ABCA13: variants seen among roughly 807,000 people sequenced by gnomAD.
ABCA13 encodes ATP-binding cassette sub-family A member 13.
Under a neutral mutation model 478.7 loss-of-function variants are expected in ABCA13, and 476 were observed. That is an observed-to-expected ratio of 0.99 (90% confidence interval 0.92 to 1.07). ABCA13 has a LOEUF of 1.07. ABCA13 is among the 50% of genes least tolerant of loss of function. ABCA13 has a pLI of 0.00. For synonymous variants in ABCA13, 2,252 were observed against 2,158.9 expected (o/e 1.04, Z -1.20); for missense variants, 6,060 against 5,910.6 (o/e 1.03, Z -0.83).
At chr7:48,276,663 T>TA in intron 17 of ABCA13, 98 bp downstream of exon 17, 1 of 899,898 alleles carries the variant, frequency 1.1e-6, no homozygotes, top group Non-Finnish European at 1.7e-6. Context: ...AGTATTTGTA[T>TA]CTAATACCTT....
chr7:48,352,711 T>G (rs568898156), intron 31 of ABCA13, among the ~76,000 whole-genome samples: 151 of 152,216 alleles, frequency 9.9e-4, no homozygotes, highest in African/African-American at 3.5e-3. Flanking sequence ...AGTTTTAAAT[T>G]TGACATCAGG....
intron 15 of ABCA13, 39 bp from the exon 16 acceptor site, chr7:48,268,941 C>T: frequency 9.7e-7 from 1 of 1,033,754 alleles, no homozygotes; most frequent in Non-Finnish European, 1.4e-6. Context: ...TCTGTTATAA[C>T]CAGTTTATAA....
intron 41 of ABCA13, among the ~76,000 whole-genome samples, chr7:48,421,969 C>T (rs1023278497): frequency 2.7e-5 from 4 of 146,266 alleles, no homozygotes; most frequent in African/African-American, 7.5e-5. Context: ...CTTTGCTGCT[C>T]TGCTCACATG....
chr7:48,198,101 C>A (rs1298027673), intron 2 of ABCA13, 136 bp from the exon 3 acceptor site: 1 of 914,016 alleles, frequency 1.1e-6, no homozygotes. Context: ...TGTCTGAGCC[C>A]TTAGATCTCC....
At chr7:48,280,806 A>G (rs1796931066) in intron 18 of ABCA13, among the ~76,000 whole-genome samples, 1 of 152,192 alleles carries the variant, frequency 6.6e-6, no homozygotes, top group Non-Finnish European at 1.5e-5. Flanking sequence ...ACTGGCACAA[A>G]TAACTATTGC....
chr7:48,419,547 A>T (rs1478928270), intron 41 of ABCA13, among the ~76,000 whole-genome samples: 1 of 114,206 alleles, frequency 8.8e-6, no homozygotes, highest in Admixed American at 8.4e-5. Flanking sequence ...CTTCCACGTA[A>T]CATGCCTCTG....
At position 48,510,110 on chromosome 7, in the gene ABCA13, C is replaced by T. The variant is rs1831545493; in HGVS notation, c.13525-974C>T. Among the ~76,000 whole-genome samples, 3 of 152,124 alleles carry T rather than the reference C, an allele frequency of 2.0e-5. No homozygotes were observed. In the South Asian group the frequency reaches 6.2e-4, roughly 32 times the overall value. On this transcript the variant is annotated intron_variant, in intron 50 of 61. Coordinates refer to ENST00000435803, the MANE Select transcript of ABCA13 (RefSeq NM_152701.5). ...CATAAAGCAGAGAAGATTGCTCCCTCAAAGAGATTCTTATGAGAGGAAGCA... is the reference window on the plus strand; with the variant it reads ...CATAAAGCAGAGAAGATTGCTCCCTTAAAGAGATTCTTATGAGAGGAAGCA...
chr7:48,295,581 A>T, intron 20 of ABCA13, 119 bp from the exon 21 acceptor site: 1 of 1,299,978 alleles, frequency 7.7e-7, no homozygotes. Context: ...ACTACTCTGC[A>T]ATGCACAGAA....
chr7:48,606,682 A>G (rs974939481), intron 58 of ABCA13, among the ~76,000 whole-genome samples: 4 of 152,166 alleles, frequency 2.6e-5, no homozygotes, highest in Non-Finnish European at 4.4e-5. Flanking sequence ...CAGTCAGGAT[A>G]CACAGGGGTC....
chr7:48,244,469 A>C, intron 10 of ABCA13, 107 bp from the exon 11 acceptor site: 6 of 1,352,044 alleles, frequency 4.4e-6, no homozygotes, highest in Non-Finnish European at 6.0e-6. Context: ...TAGTGAACAC[A>C]CTTCTCAAAG....
intron 58 of ABCA13, among the ~76,000 whole-genome samples, chr7:48,596,667 G>T: frequency 6.6e-6 from 1 of 151,808 alleles, no homozygotes; most frequent in Non-Finnish European, 1.5e-5. Context: ...GCGTGGTGGC[G>T]GGCGCCTGTA....
intron 42 of ABCA13, among the ~76,000 whole-genome samples, chr7:48,451,443 A>G (rs1825022206): frequency 6.6e-6 from 1 of 152,184 alleles, no homozygotes; most frequent in Non-Finnish European, 1.5e-5. Flanking sequence ...TTCTCCCACC[A>G]GGAATGTATA....
At chr7:48,590,336 A>G (rs1789597992) in intron 57 of ABCA13, among the ~76,000 whole-genome samples, 1 of 152,076 alleles carries the variant, frequency 6.6e-6, no homozygotes. Flanking sequence ...ACAGGGAGAG[A>G]GAGAGAAAGA....
At chr7:48,363,583 C>T (rs1212196602) in intron 31 of ABCA13, among the ~76,000 whole-genome samples, 2 of 151,926 alleles carry the variant, frequency 1.3e-5, no homozygotes, top group Non-Finnish European at 2.9e-5. Context: ...TTTCTTTTCC[C>T]TGTGTTTCTA....
At chr7:48,388,905 A>G in intron 36 of ABCA13, 135 bp from the exon 37 acceptor site, 1 of 998,338 alleles carries the variant, frequency 1.0e-6, no homozygotes, top group East Asian at 2.7e-5. Flanking sequence ...TTGCTAAAGA[A>G]AGATTTTTGA....
At chr7:48,456,405 G>T (rs1825680589) in intron 43 of ABCA13, among the ~76,000 whole-genome samples, 1 of 152,082 alleles carries the variant, frequency 6.6e-6, no homozygotes, top group South Asian at 2.1e-4. Flanking sequence ...CTATAAAAGG[G>T]CTATCACTAT....
Position 48,392,040 on chromosome 7 carries a change from T to G in ABCA13, c.11774T>G (p.Ile3925Ser). ...CTTGGTGTGTGTCCGCAGCAGGACATCCTGTTGGACAACCTCACCGTCCGG... is the reference window on the plus strand; with the variant it reads ...CTTGGTGTGTGTCCGCAGCAGGACAGCCTGTTGGACAACCTCACCGTCCGG... ...MELGVCPQQD[I>S]LLDNLTVREH... is the part of the protein sequence containing the mutation. The change falls in exon 38 of 62, where the codon ATC becomes AGC. Residue 3925 changes from isoleucine to serine, a missense_variant. This residue lies in a region of ABCA13 where 1,627 missense variants were observed against 1,571.0 expected (regional missense o/e 1.04). Transcript: ENST00000435803. 6.2e-7 allele frequency: 1 copy of G among 1,613,970 alleles called. No individual in the cohort carries two copies.
At chr7:48,514,721 T>C (rs1831979040) in intron 51 of ABCA13, among the ~76,000 whole-genome samples, 1 of 152,070 alleles carries the variant, frequency 6.6e-6, no homozygotes, top group South Asian at 2.1e-4. Context: ...TGAATATGTG[T>C]TGGGGTTTGA....
chr7:48,349,751 G>C (rs1311688912), intron 29 of ABCA13, among the ~76,000 whole-genome samples: 4 of 152,236 alleles, frequency 2.6e-5, no homozygotes, highest in African/African-American at 9.7e-5. Context: ...TGGCAGGTAG[G>C]CTCCAAGCTT....
Sources: gnomAD v4.1 joint callset for allele counts (sites outside exome capture counted in the v4.1 genomes callset) on GRCh38, gnomAD v4.1.1 for gene constraint, gnomAD v4.1.1 regional missense constraint, MANE v1.5 for transcripts, NCBI Gene and HGNC (gene_info 2026-07-23, HGNC 2026-07-21) for gene names.